The following GOLM1 variants were observed in gnomAD, a reference collection of about 807,000 sequenced individuals.
GOLM1 encodes the protein epididymis luminal protein 46.
Under a neutral mutation model 50.5 loss-of-function variants are expected in GOLM1, and 31 were observed. The observed-to-expected ratio is 0.61, with a 90% CI of 0.46 to 0.83. GOLM1 has a LOEUF of 0.83. Ranked by LOEUF, GOLM1 falls within the 40% of genes least tolerant of loss-of-function variation. The probability of loss-of-function intolerance (pLI) is 0.00; values close to 1 mark genes in which losing one functional copy is unlikely to be tolerated. For missense variants in GOLM1, 491 were observed against 501.3 expected, an observed-to-expected ratio of 0.98 and a Z score of 0.20; for synonymous variants, 178 against 192.8, an observed-to-expected ratio of 0.92 and a Z score of 0.64.
At chr9:86,099,934 TCAC>T (rs1563972974), upstream of GOLM1, 2 of 152,372 alleles carry the variant, frequency 1.3e-5, no homozygotes, top group Non-Finnish European at 2.9e-5. Context: ...AGCGCCACAC[TCAC>T]GTTACCTTCT....
Position 86,040,858 on chromosome 9 carries a change from T to C in GOLM1, c.478A>G (p.Ile160Val), listed in dbSNP as rs754612635. ...TCCTTCACCTCCTTCATCTGATTGA[T>C]GCACTGGCTCCTTTGGTGAAAGAAA... Reference protein sequence around the residue: ...RKFSYDLSQCINQMKEVKEQC... With the variant: ...RKFSYDLSQCVNQMKEVKEQC... The change falls in exon 6 of 10, where the codon ATC becomes GTC. Residue 160 changes from isoleucine (I) to valine (V), a missense_variant. Ile to Val is a conservative substitution (Grantham distance 29). Transcript: ENST00000388712. The C allele has an allele frequency of 1.2e-6, 2 of 1,613,886 alleles. No individual in the cohort carries two copies. Among genetic ancestry groups the C allele is most frequent in the East Asian group, 2.2e-5 (1 of 44,868 alleles).
chr9:86,030,082 G>A (rs2118605192), intron 9 of GOLM1, among the ~76,000 whole-genome samples: 1 of 152,240 alleles, frequency 6.6e-6, no homozygotes, highest in South Asian at 2.1e-4. Flanking sequence ...ATGGTGGCAT[G>A]AGCCTGTAAT....
intron 1 of GOLM1, among the ~76,000 whole-genome samples, chr9:86,083,448 G>A (rs371546964): frequency 1.9e-4 from 29 of 152,150 alleles, no homozygotes; most frequent in African/African-American, 6.8e-4. Context: ...GCAGTGGCAC[G>A]AACTTGGCTC....
In GOLM1 at chr9:86,033,415, A is replaced by G. The variant is rs571761436; in HGVS notation, c.1016-20T>C. On this transcript the variant is annotated intron_variant, in intron 8 of 9. Transcript: ENST00000388712. Reference sequence around the variant, plus strand: ...TTCTCCCTGTAAAATTAGCACATAAAACATAAGCTACATCATTTCTGTCTT... The same window carrying G: ...TTCTCCCTGTAAAATTAGCACATAAGACATAAGCTACATCATTTCTGTCTT... 7.2e-7 allele frequency: 1 copy of G among 1,391,994 alleles called. No homozygotes were observed. Among genetic ancestry groups the G allele is most frequent in the Admixed American group, 1.7e-5 (1 of 59,620 alleles). The allele number at this position is 1,391,994 out of a possible 1,614,324, so 86.2% of individuals were successfully genotyped here. A position where few individuals can be genotyped will look rare whatever the true frequency, so the allele number is the denominator to read the frequency against.
chr9:86,085,849 G>A (rs1834943955), intron 1 of GOLM1, among the ~76,000 whole-genome samples: 1 of 152,172 alleles, frequency 6.6e-6, no homozygotes, highest in Non-Finnish European at 1.5e-5. Context: ...GTGTATACGT[G>A]CCATATTTTC....
chr9:86,087,480 G>T (rs1382421986), intron 1 of GOLM1, among the ~76,000 whole-genome samples: 8 of 152,172 alleles, frequency 5.3e-5, no homozygotes, highest in Non-Finnish European at 1.0e-4. Flanking sequence ...ATACCATGCT[G>T]AATAGGAGTG....
At chr9:86,040,677 AAAC>A in intron 6 of GOLM1, 59 bp downstream of exon 6, 1 of 1,527,214 alleles carries the variant, frequency 6.5e-7, no homozygotes, top group Non-Finnish European at 8.9e-7. Context: ...CACATAAAAG[AAAC>A]AAAATGCCTG....
rs139521542 is a variant in GOLM1, at chr9:86,032,451, GCCA to G, written c.1129+828_1129+830del. ...CAAAGCGCTGGGATTACAGGTGTGA[GCCA>G]CCACACTTGGCCCAGAAAAATGAAT... On this transcript the variant is annotated intron_variant, in intron 9 of 9. Transcript: ENST00000388712. 8.3e-3 allele frequency among the ~76,000 whole-genome samples: 1,267 copies of G among 152,276 alleles called. 24 individuals carry two copies. Among genetic ancestry groups the G allele is most frequent in the African/African-American group, 0.029 (1,221 of 41,542 alleles).
intron 9 of GOLM1, among the ~76,000 whole-genome samples, chr9:86,030,891 A>C (rs941948062): frequency 5.3e-5 from 8 of 152,246 alleles, no homozygotes; most frequent in African/African-American, 1.9e-4. Context: ...AAAACATTAA[A>C]TGAATAATGC....
At chr9:86,078,017 A>G (rs1192515362) in intron 2 of GOLM1, 1 of 165,316 alleles carries the variant, frequency 6.0e-6, no homozygotes, top group Non-Finnish European at 1.3e-5. Flanking sequence ...TCATCTGCCC[A>G]GAGAACAGGA....
chr9:86,083,883 T>C (rs1202973972), intron 1 of GOLM1, among the ~76,000 whole-genome samples: 1 of 152,214 alleles, frequency 6.6e-6, no homozygotes, highest in East Asian at 1.9e-4. Flanking sequence ...CAAGGTCTGA[T>C]CAGAACTTAT....
rs1195396341 is a variant in GOLM1 at position 86,035,875 on chromosome 9, AAACAAAAC to A, written c.758-258_758-251del. 4.4e-4 allele frequency among the ~76,000 whole-genome samples: 57 copies of A among 128,492 alleles called. 4 individuals are homozygous for A. The East Asian group carries it at 9.2e-3, about 21-fold the overall frequency. The allele number at this position is 128,492 out of a possible 152,430, so 84.3% of individuals were successfully genotyped here. A position where few individuals can be genotyped will look rare whatever the true frequency, so the allele number is the denominator to read the frequency against. ...GGGAAAAGTAGCTTACCAAAAAAAA[AAACAAAAC>A]AAAAAAAAAAAAACACCTGGACTAA... On this transcript the variant is annotated intron_variant, in intron 7 of 9. Transcript: ENST00000388712.
rs148148802 is a variant in GOLM1, at chr9:86,065,775, C to T, written c.309+11637G>A. ...GTTCATGTCGGGCTGGGTGCGGTGGCACACACCTGTAACCCCAGCACTTTG... is the reference window on the plus strand; with the variant it reads ...GTTCATGTCGGGCTGGGTGCGGTGGTACACACCTGTAACCCCAGCACTTTG... On this transcript the variant is annotated intron_variant, in intron 3 of 9. Transcript: ENST00000388712. 2.4e-4 allele frequency among the ~76,000 whole-genome samples: 37 copies of T among 152,292 alleles called. No individual in the cohort carries two copies. In the East Asian group the frequency reaches 5.8e-3, roughly 24 times the overall value.
chr9:86,028,715 C>T (rs956917443), intron 9 of GOLM1, among the ~76,000 whole-genome samples: 4 of 152,190 alleles, frequency 2.6e-5, no homozygotes, highest in African/African-American at 4.8e-5. Flanking sequence ...TAGATGCTGC[C>T]GCGGGGTTGA....
At chr9:86,059,711 A>G in intron 3 of GOLM1, among the ~76,000 whole-genome samples, 1 of 151,506 alleles carries the variant, frequency 6.6e-6, no homozygotes, top group Non-Finnish European at 1.5e-5. Flanking sequence ...CCTAGCCAAC[A>G]TACTGAAACC....
Position 86,026,479 on chromosome 9 carries a change from G to T in GOLM1, c.*1338C>A, listed in dbSNP as rs562493964. On this transcript the variant is annotated 3_prime_UTR_variant, in exon 10 of 10. Coordinates refer to ENST00000388712, the MANE Select transcript of GOLM1 (RefSeq NM_016548.4). ...CTACTCGGGAGTCTGTGTGAGGCCA[G>T]GGGTGCCAGCGCACCAGCTAGATGC... 1.3e-5 allele frequency: 12 copies of T among 933,240 alleles called. No individual in the cohort carries two copies. The highest frequency in any genetic ancestry group is 1.8e-5 in the African/African-American group (1 of 54,414). The allele number at this position is 933,240 out of a possible 1,614,324, so 57.8% of individuals were successfully genotyped here.
At chr9:86,097,038 C>G (rs1402146628) in intron 1 of GOLM1, among the ~76,000 whole-genome samples, 1 of 148,016 alleles carries the variant, frequency 6.8e-6, no homozygotes, top group African/African-American at 2.5e-5. Context: ...AAAATAAGAC[C>G]AAAATGTAAA....
intron 1 of GOLM1, among the ~76,000 whole-genome samples, chr9:86,085,935 A>G (rs1834947784): frequency 6.6e-6 from 1 of 152,226 alleles, no homozygotes; most frequent in Admixed American, 6.5e-5. Context: ...CGCAATAAAC[A>G]TACGTGTGCA....
chr9:86,094,074 CTGA>C (rs1419198237), intron 1 of GOLM1, among the ~76,000 whole-genome samples: 2 of 152,198 alleles, frequency 1.3e-5, no homozygotes, highest in Admixed American at 6.5e-5. Context: ...ACCAAGTTTT[CTGA>C]TGGCCTGGAA....
Sources: gnomAD v4.1 joint callset for allele counts (sites outside exome capture counted in the v4.1 genomes callset) on GRCh38, gnomAD v4.1.1 for gene constraint, MANE v1.5 for transcripts, NCBI Gene and HGNC (gene_info 2026-07-23, HGNC 2026-07-21) for gene names.